The following CCDC7 variants were observed in gnomAD, a reference collection of about 807,000 sequenced individuals.
CCDC7 encodes the protein coiled-coil domain containing 7, also known as coiled-coil domain-containing protein 7.
CCDC7 carries 183 observed loss-of-function variants against 196.9 expected under a neutral mutation model. The ratio of observed to expected loss-of-function variants is 0.93; its 90% CI spans 0.82 to 1.05. The LOEUF (loss-of-function observed/expected upper bound fraction) is 1.05, where lower values mean the gene tolerates loss of function less well. Among genes scored for constraint, CCDC7 ranks in the 50% least tolerant of loss-of-function variants. The probability of loss-of-function intolerance (pLI) is 0.00; values close to 1 mark genes in which losing one functional copy is unlikely to be tolerated. For synonymous variants in CCDC7, 525 were observed against 484.6 expected, an observed-to-expected ratio of 1.08 and a Z score of -1.10; for missense variants, 1,540 against 1,482.2, an observed-to-expected ratio of 1.04 and a Z score of -0.64.
chr10:32,567,647 A>G (rs1178992732), intron 14 of CCDC7, 23 bp from the exon 16 acceptor site: 1 of 1,591,648 alleles, frequency 6.3e-7, no homozygotes, highest in Non-Finnish European at 8.5e-7. Flanking sequence ...ATGCTTAATA[A>G]ACTGGTACTT....
chr10:32,628,392 G>T (rs2064354667), intron 18 of CCDC7, among the ~76,000 whole-genome samples: 1 of 151,160 alleles, frequency 6.6e-6, no homozygotes, highest in African/African-American at 2.4e-5. Context: ...GATTTTATTT[G>T]AGTCTTTTTG....
intron 28 of CCDC7, among the ~76,000 whole-genome samples, chr10:32,774,761 G>A (rs961427356): frequency 1.8e-4 from 28 of 152,072 alleles, no homozygotes; most frequent in African/African-American, 6.0e-4. Flanking sequence ...TGCAGTTTCT[G>A]TGCTGGCTTC....
chr10:32,639,690 C>T (rs541707693), intron 20 of CCDC7, among the ~76,000 whole-genome samples: 16 of 150,606 alleles, frequency 1.1e-4, no homozygotes, highest in East Asian at 2.0e-4. Context: ...TGCAGTGGCA[C>T]GATCTCGGCT....
chr10:32,876,375 A>T (rs1191337895), exon 42 of CCDC7: 1 of 1,611,112 alleles, frequency 6.2e-7, no homozygotes, highest in East Asian at 2.2e-5. Context: ...GAAAATCTGT[A>T]CCACACCCAT....
At chr10:32,558,159 A>G (rs1212441718) in intron 13 of CCDC7, among the ~76,000 whole-genome samples, 3 of 152,176 alleles carry the variant, frequency 2.0e-5, no homozygotes, top group Non-Finnish European at 2.9e-5. Context: ...TATCTTAAGA[A>G]TTAGTTTCAC....
At chr10:32,499,902 G>C (rs1174739858) in intron 9 of CCDC7, among the ~76,000 whole-genome samples, 1 of 152,214 alleles carries the variant, frequency 6.6e-6, no homozygotes, top group East Asian at 1.9e-4. Flanking sequence ...ACATGTTTCA[G>C]AGAGCATGGG....
chr10:32,529,646 A>G (rs898282692), intron 11 of CCDC7, among the ~76,000 whole-genome samples: 1 of 152,080 alleles, frequency 6.6e-6, no homozygotes, highest in Non-Finnish European at 1.5e-5. Flanking sequence ...AATTTGTTTC[A>G]GTTCCTTGTA....
chr10:32,778,680 A>G (rs776341653), intron 28 of CCDC7, among the ~76,000 whole-genome samples: 1 of 152,194 alleles, frequency 6.6e-6, no homozygotes, highest in Non-Finnish European at 1.5e-5. Context: ...TTGGATTAAT[A>G]TGAATTTTAG....
intron 24 of CCDC7, among the ~76,000 whole-genome samples, chr10:32,703,419 G>A (rs937300448): frequency 1.8e-4 from 28 of 151,942 alleles, no homozygotes; most frequent in African/African-American, 6.8e-4. Flanking sequence ...TGTGGGTAAC[G>A]CGACATTTCT....
In CCDC7 at chr10:32,677,443, T is replaced by C. The variant is rs1483312525; in HGVS notation, c.2123-8527T>C. Among the ~76,000 whole-genome samples the C allele has an allele frequency of 2.0e-5, 3 of 152,178 alleles. No individual in the cohort carries two copies. In the South Asian group the frequency reaches 6.2e-4, roughly 31 times the overall value. ...GTTGATTAACTCCCTAAATTTTTGTTTGTCTGGAAAAGTATCTATGCTTAA... is the reference window on the plus strand; with the variant it reads ...GTTGATTAACTCCCTAAATTTTTGTCTGTCTGGAAAAGTATCTATGCTTAA... On this transcript the variant is annotated intron_variant, in intron 21 of 41. Coordinates refer to ENST00000639629, the Ensembl canonical transcript of CCDC7.
At chr10:32,864,016 A>G (rs187258100) in intron 41 of CCDC7, among the ~76,000 whole-genome samples, 445 of 151,774 alleles carry the variant, frequency 2.9e-3, no homozygotes, top group African/African-American at 0.01. Flanking sequence ...TGCAAACCGT[A>G]TAACTGATAA....
At chr10:32,633,313 C>T (rs1564893407) in intron 18 of CCDC7, among the ~76,000 whole-genome samples, 1 of 152,198 alleles carries the variant, frequency 6.6e-6, no homozygotes, top group Non-Finnish European at 1.5e-5. Flanking sequence ...GAGGAATTCT[C>T]ATGGACATCT....
exon 3 of CCDC7, chr10:32,456,261 A>G: frequency 6.4e-7 from 1 of 1,554,496 alleles, no homozygotes; most frequent in Non-Finnish European, 8.8e-7. Context: ...GTTGGGGATG[A>G]TATGAATTCA....
chr10:32,685,621 G>A (rs2076379998), intron 21 of CCDC7, among the ~76,000 whole-genome samples: 1 of 152,044 alleles, frequency 6.6e-6, no homozygotes. Context: ...GTGGTTTTGA[G>A]TATTTTGTAA....
chr10:32,462,577 A>T, intron 3 of CCDC7, 106 bp from the exon 5 acceptor site: 1 of 895,072 alleles, frequency 1.1e-6, no homozygotes, highest in Non-Finnish European at 1.6e-6. Flanking sequence ...TTTAATACTT[A>T]GTACATTTTT....
At chr10:32,576,844 T>C (rs72795551) in intron 16 of CCDC7, among the ~76,000 whole-genome samples, 1,769 of 152,254 alleles carry the variant, frequency 0.012, 17 homozygotes, top group Non-Finnish European at 0.019. Context: ...AAATTCCTTA[T>C]TGGCCATTGT....
chr10:32,739,903 G>T (rs2133110051), intron 28 of CCDC7, among the ~76,000 whole-genome samples: 1 of 152,074 alleles, frequency 6.6e-6, no homozygotes, highest in Middle Eastern at 3.4e-3. Flanking sequence ...TTTAGATAGG[G>T]TCTGAGGCTT....
At chr10:32,552,246 T>C (rs995145660) in intron 13 of CCDC7, among the ~76,000 whole-genome samples, 21 of 148,654 alleles carry the variant, frequency 1.4e-4, no homozygotes, top group African/African-American at 4.3e-4. Context: ...TCCATTTGCA[T>C]GAAATGCCTT....
chr10:32,553,248 G>A (rs1380347940), intron 13 of CCDC7, among the ~76,000 whole-genome samples: 1 of 151,960 alleles, frequency 6.6e-6, no homozygotes, highest in African/African-American at 2.4e-5. Flanking sequence ...TTCTAAAAGT[G>A]TGTCCAGAGT....
Sources: gnomAD v4.1 joint callset for allele counts (sites outside exome capture counted in the v4.1 genomes callset) on GRCh38, gnomAD v4.1.1 for gene constraint, MANE v1.5 for transcripts, NCBI Gene and HGNC (gene_info 2026-07-23, HGNC 2026-07-21) for gene names.